The following KCTD17 variants were observed in gnomAD, a reference collection of about 807,000 sequenced individuals.
KCTD17 encodes the protein BTB/POZ domain-containing protein KCTD17.
A neutral mutation model predicts 41.5 loss-of-function variants in KCTD17; 20 were observed. The ratio of observed to expected loss-of-function variants is 0.48; its 90% CI spans 0.34 to 0.70. The LOEUF (loss-of-function observed/expected upper bound fraction) is 0.70, where lower values mean the gene tolerates loss of function less well. Ranked by LOEUF, KCTD17 falls within the 30% of genes least tolerant of loss-of-function variation. KCTD17 has a pLI of 0.01. For synonymous variants in KCTD17, 156 were observed against 173.8 expected (o/e 0.90, Z 0.80); for missense variants, 317 against 427.2 (o/e 0.74, Z 2.27).
In KCTD17 at chr22:37,056,230, C is replaced by G. The variant is rs548378289; in HGVS notation, c.299-90C>G. 8 of 1,085,478 alleles carry G rather than the reference C, an allele frequency of 7.4e-6. No homozygotes were observed. The South Asian group carries it at 1.1e-4, about 14-fold the overall frequency. 67.2% of individuals were successfully genotyped at this position (1,085,478 alleles called of 1,614,324 possible). On this transcript the variant is annotated intron_variant, in intron 2 of 8. Coordinates refer to ENST00000403888, the MANE Select transcript of KCTD17 (RefSeq NM_001282684.2). ...TCACCCTCAGGGCGGGTGATCAGAG[C>G]GAGAGGTGGGTTTCGGGGTGGAGGG...
At chr22:37,055,617 ATTAAC>A (rs1181007976) in intron 2 of KCTD17, among the ~76,000 whole-genome samples, 3 of 152,204 alleles carry the variant, frequency 2.0e-5, no homozygotes, top group Non-Finnish European at 4.4e-5. Flanking sequence ...CATCTCCCAG[ATTAAC>A]TTAACTGTAA....
chr22:37,059,168 C>A, intron 4 of KCTD17, 145 bp from the exon 5 acceptor site: 1 of 1,120,454 alleles, frequency 8.9e-7, no homozygotes, highest in Admixed American at 1.9e-5. Flanking sequence ...CAGAGGTGCC[C>A]TCTACAAACC....
At position 37,051,850 on chromosome 22, in the gene KCTD17, G is replaced by C. The variant is rs1186300597; in HGVS notation, c.90G>C (p.Val30=). ...GGGGCAAGTGGGTGCGGCTCAACGT[G>C]GGGGGCACGGTGTTCCTGACCACCC... ...GGWGKWVRLN[V]GGTVFLTTRQ... The change falls in exon 1 of 9, where the codon GTG becomes GTC. Residue 30 remains valine, a synonymous_variant. Coordinates refer to ENST00000403888, the MANE Select transcript of KCTD17 (RefSeq NM_001282684.2). The C allele has an allele frequency of 6.2e-6, 9 of 1,461,462 alleles. No homozygotes were observed. In the Admixed American group the frequency reaches 1.8e-4, roughly 29 times the overall value. The allele number at this position is 1,461,462 out of a possible 1,614,324, so 90.5% of individuals were successfully genotyped here.
At position 37,060,337 on chromosome 22, in the gene KCTD17, A is replaced by C. The variant is rs546633383; in HGVS notation, c.613-486A>C. Among the ~76,000 whole-genome samples the C allele has an allele frequency of 7.3e-5, 10 of 137,256 alleles. No individual in the cohort carries two copies. In the East Asian group the frequency reaches 2.4e-3, roughly 33 times the overall value. 90.0% of individuals were successfully genotyped at this position (137,256 alleles called of 152,430 possible). On this transcript the variant is annotated intron_variant, in intron 5 of 8. Coordinates refer to ENST00000403888, the MANE Select transcript of KCTD17 (RefSeq NM_001282684.2). ...ACTGCCAGGGCTGACGCTGCCCTGC[A>C]AGGGTGCAGAGCGAGACTGCTCCTT...
At chr22:37,059,506 C>T in intron 5 of KCTD17, 68 bp downstream of exon 5, 1 of 1,541,040 alleles carries the variant, frequency 6.5e-7, no homozygotes, top group East Asian at 2.3e-5. Flanking sequence ...CCCGCCTGTC[C>T]CGCCCCTGCG....
intron 8 of KCTD17, 53 bp from the exon 9 acceptor site, chr22:37,062,472 G>A (rs1925907098): frequency 5.5e-6 from 6 of 1,081,938 alleles, no homozygotes; most frequent in Non-Finnish European, 6.8e-6. Context: ...CCTCCTTACC[G>A]GCCCCACCTC....
At position 37,051,815 on chromosome 22, in the gene KCTD17, G is replaced by T; in HGVS notation, c.55G>T (p.Ala19Ser). 3.1e-6 allele frequency: 4 copies of T among 1,285,122 alleles called. No individual in the cohort carries two copies. Among genetic ancestry groups the T allele is most frequent in the Non-Finnish European group, 3.9e-6 (4 of 1,016,236 alleles). The allele number at this position is 1,285,122 out of a possible 1,614,324, so 79.6% of individuals were successfully genotyped here. A position where few individuals can be genotyped will look rare whatever the true frequency, so the allele number is the denominator to read the frequency against. ...APPAGAGGRA[A>S]GGWGKWVRLN... Reference sequence around the variant, plus strand: ...GCCGGCGGGGGCGGGCGGCCGCGCCGCAGGCGGCTGGGGCAAGTGGGTGCG... The same window carrying T: ...GCCGGCGGGGGCGGGCGGCCGCGCCTCAGGCGGCTGGGGCAAGTGGGTGCG... The change falls in exon 1 of 9, where the codon GCA becomes TCA. Residue 19 changes from alanine to serine, a missense_variant. This residue lies in a region of KCTD17 where 99 missense variants were observed against 166.5 expected (regional missense o/e 0.59). Transcript: ENST00000403888.
chr22:37,059,463 G>GTCCGGAGAAGTCTCCTGTC, intron 5 of KCTD17, 25 bp downstream of exon 5: 1 of 1,592,156 alleles, frequency 6.3e-7, no homozygotes, highest in South Asian at 1.1e-5. Context: ...CTCAGCCTGT[G>GTCCGGAGAAGTCTCCTGTC]TCCGGAGAAG....
chr22:37,061,552 C>T lies in KCTD17; in HGVS notation c.798C>T (p.His266=), dbSNP rs1925797806. Residue 266 remains histidine, a synonymous_variant, in exon 8 of 9, where the codon CAC becomes CAT. Transcript: ENST00000403888. This position sits in a 1 kb window ranked among gnomAD's most constrained non-coding sequence, Gnocchi z 6.6. The part of the protein sequence containing the change: ...PPLPAGGSRP[H]PLRPEAELAV... ...TCCTCCTTGCAGGTTCCCGTCCGCA[C>T]CCTCTCAGACCTGAGGCTGAGCTTG... 3 of 1,601,782 alleles carry T rather than the reference C, an allele frequency of 1.9e-6. No individual in the cohort carries two copies. Among genetic ancestry groups the T allele is most frequent in the Non-Finnish European group, 2.5e-6 (3 of 1,179,700 alleles).
At position 37,062,507 on chromosome 22, in the gene KCTD17, C is replaced by A. The variant is rs1325319599; in HGVS notation, c.876-18C>A. The A allele has an allele frequency of 5.0e-6, 8 of 1,607,384 alleles. No homozygotes were observed. Reference sequence around the variant, plus strand: ...CCGCCCCTCCCATCCTCCTGCCCTTCCCCTCTTTTTTTTCTAGCTGTTACA... The same window carrying A: ...CCGCCCCTCCCATCCTCCTGCCCTTACCCTCTTTTTTTTCTAGCTGTTACA... On this transcript the variant is annotated intron_variant, in intron 8 of 8. Transcript: ENST00000403888.
At chr22:37,062,281 C>G (rs1925882633) in intron 8 of KCTD17, 15 of 985,280 alleles carry the variant, frequency 1.5e-5, no homozygotes, top group Non-Finnish European at 1.8e-5. Flanking sequence ...GGGCATGGGG[C>G]TCCTGGATGG....
chr22:37,059,194 C>G, intron 4 of KCTD17, 119 bp from the exon 5 acceptor site: 1 of 1,432,096 alleles, frequency 7.0e-7, no homozygotes, highest in African/African-American at 1.4e-5. Context: ...GTGGGCCCGA[C>G]AAGCCGCAAG....
rs1925118575 is a variant in KCTD17, at chr22:37,056,413, T to G, written c.390+2T>G. The stretch of plus-strand genomic sequence containing the variant: ...GAGAAGGACTACACGGTCACCCAGG[T>G]CGGGAGCAGGGGCAGCACACACGGC... On this transcript the variant is annotated splice_donor_variant, in intron 3 of 8. Transcript: ENST00000403888. LOFTEE classifies it high-confidence loss of function. 1.2e-6 allele frequency: 2 copies of G among 1,612,220 alleles called. No individual in the cohort carries two copies. Among genetic ancestry groups the G allele is most frequent in the Non-Finnish European group, 1.7e-6 (2 of 1,178,932 alleles).
intron 2 of KCTD17, among the ~76,000 whole-genome samples, chr22:37,054,824 A>T (rs1924909072): frequency 6.6e-6 from 1 of 151,880 alleles, no homozygotes; most frequent in Non-Finnish European, 1.5e-5. Flanking sequence ...GCACTCCCTG[A>T]CCTCCTGCTC....
Position 37,061,537 on chromosome 22 carries a change from A to C in KCTD17, c.785-2A>C, listed in dbSNP as rs1320571515. On this transcript the variant is annotated splice_acceptor_variant, in intron 7 of 8. Coordinates refer to ENST00000403888, the MANE Select transcript of KCTD17 (RefSeq NM_001282684.2). LOFTEE classifies it high-confidence loss of function. This position sits in a 1 kb window ranked among gnomAD's most constrained non-coding sequence, Gnocchi z 6.6. ...CCTCCTCCTCACGTTTCCTCCTTGC[A>C]GGTTCCCGTCCGCACCCTCTCAGAC... The C allele has an allele frequency of 3.1e-6, 5 of 1,600,616 alleles. No homozygotes were observed. The highest frequency in any genetic ancestry group is 3.4e-6 in the Non-Finnish European group (4 of 1,179,274).
rs751146810 is a variant in KCTD17, at chr22:37,062,512, C to CT, written c.876-5dup. On this transcript the variant is annotated splice_polypyrimidine_tract_variant and intron_variant, in intron 8 of 8. Transcript: ENST00000403888. ...CCTCCCATCCTCCTGCCCTTCCCCT[C>CT]TTTTTTTTCTAGCTGTTACAAGCCA... The CT allele has an allele frequency of 5.0e-6, 8 of 1,611,168 alleles. No individual in the cohort carries two copies. In the African/African-American group the frequency reaches 5.4e-5, roughly 11 times the overall value.
Position 37,053,343 on chromosome 22 carries a change from G to A in KCTD17, c.298+135G>A, listed in dbSNP as rs1052396289. On this transcript the variant is annotated intron_variant, in intron 2 of 8. Transcript: ENST00000403888. This position sits in a 1 kb window ranked among gnomAD's most constrained non-coding sequence, Gnocchi z 4.1. ...TTCCTGCCTCTTCCCAGTCGGACGGGGCTGATTCCCAAGCATCTGCCTGTG... is the reference window on the plus strand; with the variant it reads ...TTCCTGCCTCTTCCCAGTCGGACGGAGCTGATTCCCAAGCATCTGCCTGTG... The A allele has an allele frequency of 5.8e-6, 4 of 695,340 alleles. No homozygotes were observed. In the East Asian group the frequency reaches 8.3e-5, roughly 14 times the overall value. The allele number at this position is 695,340 out of a possible 1,614,324, so 43.1% of individuals were successfully genotyped here. A position where few individuals can be genotyped will look rare whatever the true frequency, so the allele number is the denominator to read the frequency against.
At position 37,053,875 on chromosome 22, in the gene KCTD17, G is replaced by T. The variant is rs1052286026; in HGVS notation, c.298+667G>T. 2.0e-5 allele frequency among the ~76,000 whole-genome samples: 3 copies of T among 152,200 alleles called. No homozygotes were observed. The East Asian group carries it at 5.8e-4, about 29-fold the overall frequency. The stretch of plus-strand genomic sequence containing the variant: ...CCTGTTAGCAGAGCTGCAGCCAGGG[G>T]CAAGGACTACAGTCAGTGCCAAGTT... On this transcript the variant is annotated intron_variant, in intron 2 of 8. Transcript: ENST00000403888. This position sits in a 1 kb window ranked among gnomAD's most constrained non-coding sequence, Gnocchi z 4.1.
Position 37,061,946 on chromosome 22 carries a change from G to A in KCTD17, c.875+317G>A. The A allele has an allele frequency of 1.0e-6, 1 of 985,416 alleles. No individual in the cohort carries two copies. Among genetic ancestry groups the A allele is most frequent in the Non-Finnish European group, 1.2e-6 (1 of 829,918 alleles). The allele number at this position is 985,416 out of a possible 1,614,324, so 61.0% of individuals were successfully genotyped here. A position where few individuals can be genotyped will look rare whatever the true frequency, so the allele number is the denominator to read the frequency against. On this transcript the variant is annotated intron_variant, in intron 8 of 8. Transcript: ENST00000403888. The surrounding 1 kb of genome is among the most constrained non-coding windows in gnomAD (Gnocchi z 6.6). Reference sequence around the variant, plus strand: ...CATCCCCTATTTCTGTGGGGATGGGGAGGACAGGCCACTTTTGGATACCCT... The same window carrying A: ...CATCCCCTATTTCTGTGGGGATGGGAAGGACAGGCCACTTTTGGATACCCT...
Sources: allele counts gnomAD v4.1 joint callset (sites outside exome capture counted in the v4.1 genomes callset), GRCh38; gene constraint gnomAD v4.1.1; regional missense constraint gnomAD v4.1.1; non-coding constraint Gnocchi (gnomAD v3.1); transcripts MANE v1.5; gene names NCBI Gene and HGNC (gene_info 2026-07-23, HGNC 2026-07-21).